Variants in NRXN3 observed in about 807,000 individuals in gnomAD.
The protein encoded by NRXN3 is neurexin 3.
NRXN3 carries 32 observed loss-of-function variants against 137.6 expected under a neutral mutation model. That is an observed-to-expected ratio of 0.23 (90% CI 0.18 to 0.31). The LOEUF (loss-of-function observed/expected upper bound fraction) is 0.31. Ranked by LOEUF, NRXN3 falls within the 10% of genes least tolerant of loss-of-function variation. NRXN3 has a pLI of 1.00. For missense variants in NRXN3, 1,574 were observed against 2,062.5 expected (o/e 0.76, Z 4.59); for synonymous variants, 798 against 784.5 (o/e 1.02, Z -0.29).
At chr14:78,233,426 A>G (rs577969511) in intron 1 of NRXN3, among the ~76,000 whole-genome samples, 2 of 152,204 alleles carry the variant, frequency 1.3e-5, no homozygotes, top group African/African-American at 4.8e-5. Flanking sequence ...CTCTGACCGC[A>G]CCAGCCCTGA....
At position 78,932,196 on chromosome 14, in the gene NRXN3, A is replaced by G. The variant is rs116790071; in HGVS notation, c.2276-25046A>G. 8.0e-3 allele frequency among the ~76,000 whole-genome samples: 1,217 copies of G among 152,176 alleles called. 18 individuals are homozygous for G. The highest frequency in any genetic ancestry group is 0.028 in the African/African-American group (1,162 of 41,498). On this transcript the variant is annotated intron_variant, in intron 10 of 20. Transcript: ENST00000335750. ...AAAAAGCCAAGGAAATCATTTGGCT[A>G]GAGAGTGTGAGCTTGAGAATTGGAT...
intron 19 of NRXN3, among the ~76,000 whole-genome samples, chr14:79,722,196 T>C (rs1391718574): frequency 6.6e-6 from 1 of 152,094 alleles, no homozygotes; most frequent in African/African-American, 2.4e-5. Flanking sequence ...CCATCATCAC[T>C]GCCATTGTGT....
intron 15 of NRXN3, among the ~76,000 whole-genome samples, chr14:79,101,951 C>T (rs894119050): frequency 3.3e-5 from 5 of 152,014 alleles, no homozygotes; most frequent in Non-Finnish European, 5.9e-5. Context: ...AAAAATGCCA[C>T]GTGAAGGCAG....
chr14:78,844,473 C>A (rs1352685178), intron 10 of NRXN3, among the ~76,000 whole-genome samples: 1 of 152,068 alleles, frequency 6.6e-6, no homozygotes, highest in East Asian at 1.9e-4. Context: ...CTTTGACTGC[C>A]TTTCCATGAT....
intron 8 of NRXN3, among the ~76,000 whole-genome samples, chr14:78,803,044 C>T (rs531281971): frequency 7.2e-5 from 11 of 152,164 alleles, no homozygotes; most frequent in Non-Finnish European, 1.6e-4. Flanking sequence ...TGTTATTGTT[C>T]TAACTCTGCC....
rs750550086 is a variant in NRXN3, at chr14:78,647,030, C to T, written c.1059+1609C>T. ...TGGAGGAGAGACTTTTCATGTACTT[C>T]AGAGCACAATCAGGTCATGATTCTC... On this transcript the variant is annotated intron_variant, in intron 5 of 20. Coordinates refer to ENST00000335750, the MANE Select transcript of NRXN3 (RefSeq NM_001330195.2). Among the ~76,000 whole-genome samples the T allele has an allele frequency of 1.3e-4, 20 of 152,310 alleles. 1 individual carries two copies. Among genetic ancestry groups the T allele is most frequent in the Middle Eastern group, 6.8e-3 (2 of 294 alleles).
intron 10 of NRXN3, among the ~76,000 whole-genome samples, chr14:78,893,065 T>C (rs2099163844): frequency 6.6e-6 from 1 of 151,898 alleles, no homozygotes; most frequent in Non-Finnish European, 1.5e-5. Flanking sequence ...ATTGCTCCTA[T>C]TTGCCCAGCA....
At chr14:79,850,058 A>G (rs907924699) in intron 20 of NRXN3, among the ~76,000 whole-genome samples, 2 of 152,212 alleles carry the variant, frequency 1.3e-5, no homozygotes, top group Non-Finnish European at 2.9e-5. Flanking sequence ...CACCCCACAG[A>G]CACAAAAATC....
chr14:79,269,090 C>T (rs1174768933), intron 15 of NRXN3, among the ~76,000 whole-genome samples: 2 of 150,514 alleles, frequency 1.3e-5, no homozygotes, highest in Non-Finnish European at 2.9e-5. Context: ...CGCTCTGTCG[C>T]CAAGGCTGGA....
intron 16 of NRXN3, among the ~76,000 whole-genome samples, chr14:79,643,556 T>C (rs2153962879): frequency 7.4e-6 from 1 of 135,790 alleles, no homozygotes; most frequent in African/African-American, 2.4e-5. Context: ...TATTTCTTAA[T>C]ACAACATTGA....
intron 5 of NRXN3, among the ~76,000 whole-genome samples, chr14:78,647,866 CCTGT>C (rs1334325298): frequency 2.0e-5 from 3 of 152,156 alleles, no homozygotes; most frequent in African/African-American, 4.8e-5. Context: ...GTGGGATCTT[CCTGT>C]CTATTTCAAT....
At chr14:78,658,573 T>C (rs1654390293) in intron 6 of NRXN3, among the ~76,000 whole-genome samples, 1 of 152,228 alleles carries the variant, frequency 6.6e-6, no homozygotes, top group South Asian at 2.1e-4. Context: ...AAAGGCCTGA[T>C]ACTGGGTTCA....
At chr14:79,264,045 A>G (rs1269955596) in intron 15 of NRXN3, among the ~76,000 whole-genome samples, 1 of 152,176 alleles carries the variant, frequency 6.6e-6, no homozygotes, top group African/African-American at 2.4e-5. Context: ...ACAAAATACT[A>G]CAGAATGTGT....
At chr14:79,123,712 A>C (rs973701970) in intron 15 of NRXN3, among the ~76,000 whole-genome samples, 1 of 152,200 alleles carries the variant, frequency 6.6e-6, no homozygotes, top group Non-Finnish European at 1.5e-5. Flanking sequence ...GGGAGGATTT[A>C]GCTCTATCTT....
At chr14:79,309,096 C>A (rs1479706262) in intron 15 of NRXN3, among the ~76,000 whole-genome samples, 1 of 70,578 alleles carries the variant, frequency 1.4e-5, no homozygotes, top group Non-Finnish European at 2.6e-5. Flanking sequence ...CCGACCCCAC[C>A]ACAGTCCCCA....
chr14:79,019,824 C>T (rs2099585688), intron 15 of NRXN3, among the ~76,000 whole-genome samples: 1 of 152,084 alleles, frequency 6.6e-6, no homozygotes, highest in Admixed American at 6.5e-5. Context: ...GAACAGCAGA[C>T]TTGGGGATGC....
rs139909393 is a variant in NRXN3 at position 78,371,640 on chromosome 14, A to G, written c.757+73780A>G. 1.2e-3 allele frequency among the ~76,000 whole-genome samples: 176 copies of G among 152,288 alleles called. 4 individuals carry two copies. In the East Asian group the frequency reaches 0.02, roughly 17 times the overall value. ...TAGATTGCTGTGGGGCCAGAGCCCA[A>G]AAGTGCTCACCCTGGCCCCGACACC... On this transcript the variant is annotated intron_variant, in intron 4 of 20. Coordinates refer to ENST00000335750, the MANE Select transcript of NRXN3 (RefSeq NM_001330195.2).
At chr14:79,715,079 G>C (rs897098403) in intron 19 of NRXN3, among the ~76,000 whole-genome samples, 2 of 152,086 alleles carry the variant, frequency 1.3e-5, no homozygotes, top group African/African-American at 4.8e-5. Context: ...TCAGCCTCCT[G>C]AGTAGCTGGG....
chr14:79,479,686 A>G (rs2096590037), intron 16 of NRXN3, among the ~76,000 whole-genome samples: 1 of 152,106 alleles, frequency 6.6e-6, no homozygotes, highest in African/African-American at 2.4e-5. Flanking sequence ...TTCTTTTTGG[A>G]TTCAAAGAAA....
Sources: gnomAD v4.1 joint callset for allele counts (sites outside exome capture counted in the v4.1 genomes callset) on GRCh38, gnomAD v4.1.1 for gene constraint, MANE v1.5 for transcripts, NCBI Gene and HGNC (gene_info 2026-07-23, HGNC 2026-07-21) for gene names.